Variants in LRMDA observed in about 807,000 individuals in gnomAD.
LRMDA encodes leucine-rich melanocyte differentiation-associated protein.
In LRMDA, 18 loss-of-function variants were observed where a neutral mutation model predicts 29.8. That is an observed-to-expected ratio of 0.60 (90% CI 0.42 to 0.90). LRMDA has a LOEUF of 0.90. Ranked by LOEUF, LRMDA falls within the 40% of genes least tolerant of loss-of-function variation. The pLI, the probability that LRMDA is intolerant of heterozygous loss-of-function variation, is 0.00. For synonymous variants in LRMDA, 125 were observed against 109.4 expected (o/e 1.14, Z -0.89); for missense variants, 273 against 273.9 (o/e 1.00, Z 0.02).
chr10:76,079,434 G>A (rs568927489), intron 5 of LRMDA, among the ~76,000 whole-genome samples: 2 of 152,232 alleles, frequency 1.3e-5, no homozygotes, highest in South Asian at 4.1e-4. Context: ...GGAAAACACA[G>A]CCCAGCCAGG....
intron 2 of LRMDA, among the ~76,000 whole-genome samples, chr10:75,451,933 A>G (rs1446893512): frequency 1.3e-5 from 2 of 151,050 alleles, no homozygotes; most frequent in African/African-American, 4.9e-5. Flanking sequence ...CTAAGTCTCC[A>G]TCGGTGAGGT....
chr10:75,897,817 C>CCTTTTT (rs1554832859), intron 2 of LRMDA, among the ~76,000 whole-genome samples: 2 of 78,418 alleles, frequency 2.6e-5, no homozygotes, highest in Non-Finnish European at 2.2e-5. Context: ...TTCTTCCTGC[C>CCTTTTT]TTTTTTTTTT....
chr10:76,416,609 A>G (rs1347367305), intron 6 of LRMDA, among the ~76,000 whole-genome samples: 1 of 152,240 alleles, frequency 6.6e-6, no homozygotes, highest in Non-Finnish European at 1.5e-5. Context: ...AAATCAAAAC[A>G]AAAACCACCT....
intron 6 of LRMDA, among the ~76,000 whole-genome samples, chr10:76,449,218 C>T (rs1842382494): frequency 6.6e-6 from 1 of 151,654 alleles, no homozygotes; most frequent in African/African-American, 2.4e-5. Flanking sequence ...TCAAAGATTT[C>T]ATTCCTTTTA....
chr10:76,322,204 A>C (rs762678770), intron 5 of LRMDA, among the ~76,000 whole-genome samples: 1 of 152,178 alleles, frequency 6.6e-6, no homozygotes, highest in Non-Finnish European at 1.5e-5. Context: ...CTTCTTTCCT[A>C]TGATAATTGT....
intron 2 of LRMDA, among the ~76,000 whole-genome samples, chr10:75,562,854 G>A (rs1840316789): frequency 2.0e-5 from 3 of 152,036 alleles, no homozygotes; most frequent in Admixed American, 2.0e-4. Flanking sequence ...GTTGAATATT[G>A]GCCCCCACTC....
intron 2 of LRMDA, among the ~76,000 whole-genome samples, chr10:75,963,039 A>T (rs1846795950): frequency 1.3e-5 from 2 of 152,220 alleles, no homozygotes; most frequent in African/African-American, 4.8e-5. Context: ...ACATGTTGCT[A>T]TATCTATTTA....
intron 2 of LRMDA, among the ~76,000 whole-genome samples, chr10:75,915,805 G>T (rs1845922761): frequency 6.6e-6 from 1 of 152,168 alleles, no homozygotes; most frequent in Admixed American, 6.5e-5. Context: ...AGCTAGCTCT[G>T]CAGGGGGATA....
chr10:75,780,672 CAAG>C (rs1843370836), intron 2 of LRMDA, among the ~76,000 whole-genome samples: 2 of 152,172 alleles, frequency 1.3e-5, no homozygotes, highest in Non-Finnish European at 2.9e-5. Flanking sequence ...TGAGGCCAAA[CAAG>C]AAGGCACAAG....
In LRMDA at chr10:75,546,315, G is replaced by A. The variant is rs190571991; in HGVS notation, c.131+107821G>A. Among the ~76,000 whole-genome samples, 36 of 152,284 alleles carry A rather than the reference G, an allele frequency of 2.4e-4. No individual in the cohort carries two copies. The East Asian group carries it at 3.7e-3, about 15-fold the overall frequency. ...AACAGCAGACCTTGCTGCCTTCAAAGATCATGTTTTTGAAGAATGTTTAAT... is the reference window on the plus strand; with the variant it reads ...AACAGCAGACCTTGCTGCCTTCAAAAATCATGTTTTTGAAGAATGTTTAAT... On this transcript the variant is annotated intron_variant, in intron 2 of 6. Coordinates refer to ENST00000611255, the MANE Select transcript of LRMDA (RefSeq NM_001305581.2).
intron 3 of LRMDA, among the ~76,000 whole-genome samples, chr10:76,044,273 C>T (rs1336196915): frequency 1.3e-5 from 2 of 152,048 alleles, no homozygotes; most frequent in Non-Finnish European, 1.5e-5. Flanking sequence ...CGTGCAGGTC[C>T]GGGTCTAGGT....
At chr10:76,119,881 G>A (rs569151886) in intron 5 of LRMDA, among the ~76,000 whole-genome samples, 5 of 152,150 alleles carry the variant, frequency 3.3e-5, no homozygotes, top group Non-Finnish European at 5.9e-5. Context: ...AGACAAAGAG[G>A]TTTTTCAGTT....
intron 2 of LRMDA, among the ~76,000 whole-genome samples, chr10:75,775,226 A>G (rs1843295787): frequency 1.3e-5 from 2 of 152,190 alleles, no homozygotes; most frequent in African/African-American, 4.8e-5. Flanking sequence ...GACTCAAACA[A>G]GCATTGGAGA....
chr10:75,837,998 T>G (rs1250489941), intron 2 of LRMDA, among the ~76,000 whole-genome samples: 1 of 152,166 alleles, frequency 6.6e-6, no homozygotes, highest in East Asian at 1.9e-4. Context: ...TTCAACTGAA[T>G]TGAAATGTAT....
intron 2 of LRMDA, among the ~76,000 whole-genome samples, chr10:75,787,686 A>G (rs566672454): frequency 6.6e-6 from 1 of 152,362 alleles, no homozygotes; most frequent in East Asian, 1.9e-4. Context: ...AGTAATAGAG[A>G]TGTTGTAGCA....
intron 5 of LRMDA, among the ~76,000 whole-genome samples, chr10:76,201,861 A>G (rs1176991556): frequency 6.6e-6 from 1 of 152,148 alleles, no homozygotes; most frequent in Non-Finnish European, 1.5e-5. Flanking sequence ...TTTAGTTCCC[A>G]GTTGTGCAGA....
intron 6 of LRMDA, among the ~76,000 whole-genome samples, chr10:76,332,441 A>G (rs1840915515): frequency 6.6e-6 from 1 of 152,212 alleles, no homozygotes; most frequent in Admixed American, 6.5e-5. Context: ...TTGTAGACAG[A>G]GAAGGGCTAC....
intron 2 of LRMDA, chr10:75,552,616 T>C (rs1840166449): frequency 2.3e-6 from 1 of 429,340 alleles, no homozygotes; most frequent in African/African-American, 2.1e-5. Context: ...TTTGCTCTTT[T>C]TAATTAATTT....
chr10:76,071,474 C>T (rs1352874815), intron 5 of LRMDA, among the ~76,000 whole-genome samples: 3 of 152,048 alleles, frequency 2.0e-5, no homozygotes, highest in Admixed American at 2.0e-4. Flanking sequence ...TTTTTTTCTT[C>T]TTTGTGTTCA....
Sources: gnomAD v4.1 joint callset for allele counts (sites outside exome capture counted in the v4.1 genomes callset) on GRCh38, gnomAD v4.1.1 for gene constraint, MANE v1.5 for transcripts, NCBI Gene and HGNC (gene_info 2026-07-23, HGNC 2026-07-21) for gene names.